Variants in URB1 observed in about 807,000 individuals in gnomAD.
URB1 encodes the protein nucleolar pre-ribosomal-associated protein 1.
Under a neutral mutation model 242.3 loss-of-function variants are expected in URB1, and 197 were observed. The ratio of observed to expected loss-of-function variants is 0.81; its 90% confidence interval spans 0.72 to 0.91. The LOEUF (loss-of-function observed/expected upper bound fraction) is 0.91, where lower values mean the gene tolerates loss of function less well. URB1 is among the 40% of genes least tolerant of loss of function. URB1 has a pLI of 0.00. For missense variants in URB1, 2,721 were observed against 2,860.5 expected, an observed-to-expected ratio of 0.95 and a Z score of 1.11; for synonymous variants, 1,153 against 1,201.8, an observed-to-expected ratio of 0.96 and a Z score of 0.84.
chr21:32,319,000 G>T (rs2032727885), intron 36 of URB1, among the ~76,000 whole-genome samples: 1 of 152,136 alleles, frequency 6.6e-6, no homozygotes, highest in Admixed American at 6.5e-5. Flanking sequence ...GTCTTGACAA[G>T]AAGCTTTATA....
At chr21:32,324,637 G>A (rs574428940) in intron 31 of URB1, 35 bp from the exon 32 acceptor site, 10 of 1,485,168 alleles carry the variant, frequency 6.7e-6, no homozygotes, top group African/African-American at 2.8e-5. Context: ...AATGTAAGAT[G>A]AGCGTGTTCA....
rs1216898562 is a variant in URB1, at chr21:32,373,615, C to T, written c.876+32G>A. On this transcript the variant is annotated intron_variant, in intron 7 of 38. Coordinates refer to ENST00000382751, the MANE Select transcript of URB1 (RefSeq NM_014825.3). ...AACCCTGAGGATCAAATTCCAACAA[C>T]GAGGTCAACGAAAACCAAAAAGTGT... 16 of 1,519,202 alleles carry T rather than the reference C, an allele frequency of 1.1e-5. No homozygotes were observed. In the Middle Eastern group the frequency reaches 5.1e-4, roughly 48 times the overall value. 94.1% of individuals were successfully genotyped at this position (1,519,202 alleles called of 1,614,324 possible).
At chr21:32,318,059 C>T in intron 36 of URB1, 142 bp from the exon 37 acceptor site, 2 of 1,128,720 alleles carry the variant, frequency 1.8e-6, no homozygotes, top group South Asian at 3.3e-5. Context: ...CAGCAGACAT[C>T]TAGCATGGGC....
In URB1 at chr21:32,361,995, C is replaced by T. The variant is rs1432132817; in HGVS notation, c.1536G>A (p.Val512=). The T allele has an allele frequency of 2.1e-5, 33 of 1,551,492 alleles. No individual in the cohort carries two copies. Among genetic ancestry groups the T allele is most frequent in the African/African-American group, 2.7e-5 (2 of 73,038 alleles). The change falls in exon 12 of 39, where the codon GTG becomes GTA. Residue 512 remains valine, a synonymous_variant. Transcript: ENST00000382751. The part of the protein sequence containing the change: ...SKILPDLNTV[V]WVWQSLKKQE... The stretch of plus-strand genomic sequence containing the variant: ...GCTTTTTAAGTGACTGCCAGACCCA[C>T]ACGACAGTGTTCAGGTCTGGCAAAA...
chr21:32,353,582 T>C (rs764565092), intron 18 of URB1, among the ~76,000 whole-genome samples: 5 of 152,194 alleles, frequency 3.3e-5, no homozygotes, highest in Non-Finnish European at 5.9e-5. Context: ...TGGGTCTAAG[T>C]TGCCTGGAAA....
intron 25 of URB1, among the ~76,000 whole-genome samples, chr21:32,339,735 C>T (rs969846409): frequency 6.6e-6 from 1 of 152,154 alleles, no homozygotes; most frequent in Admixed American, 6.5e-5. Flanking sequence ...TCGTGATCCG[C>T]CCGCCTCAGC....
chr21:32,349,820 C>T (rs113234358), intron 20 of URB1, among the ~76,000 whole-genome samples: 1 of 150,866 alleles, frequency 6.6e-6, no homozygotes, highest in East Asian at 2.0e-4. Context: ...CTGGGCCAGG[C>T]TCAGTGGCTC....
chr21:32,353,062 T>C (rs990072374), intron 18 of URB1, among the ~76,000 whole-genome samples, 156 bp from the exon 19 acceptor site: 1 of 152,166 alleles, frequency 6.6e-6, no homozygotes, highest in African/African-American at 2.4e-5. Flanking sequence ...TTGCTACTAC[T>C]GGAGACTGTA....
chr21:32,319,664 T>A (rs2032741201), intron 35 of URB1, among the ~76,000 whole-genome samples: 1 of 152,232 alleles, frequency 6.6e-6, no homozygotes, highest in African/African-American at 2.4e-5. Context: ...GTCCTGTTCA[T>A]GACAACAACT....
Position 32,314,277 on chromosome 21 carries a change from C to G in URB1, c.*641G>C, listed in dbSNP as rs937302017. The G allele has an allele frequency of 3.7e-5, 14 of 382,272 alleles. No homozygotes were observed. Among genetic ancestry groups the G allele is most frequent in the Non-Finnish European group, 6.5e-5 (13 of 199,382 alleles). The allele number at this position is 382,272 out of a possible 1,614,324, so 23.7% of individuals were successfully genotyped here. A position where few individuals can be genotyped will look rare whatever the true frequency, so the allele number is the denominator to read the frequency against. ...TCAGCTCACTGTAGCCTCCACCTCC[C>G]AGGTTCAAGCGATTCCCCTGCCTTA... On this transcript the variant is annotated 3_prime_UTR_variant, in exon 39 of 39. Coordinates refer to ENST00000382751, the MANE Select transcript of URB1 (RefSeq NM_014825.3).
chr21:32,375,913 C>A (rs1240861923), intron 5 of URB1, among the ~76,000 whole-genome samples: 1 of 152,002 alleles, frequency 6.6e-6, no homozygotes, highest in Admixed American at 6.6e-5. Flanking sequence ...GCCATGATCG[C>A]ACCACTGCAC....
At chr21:32,355,811 A>G (rs2033213943) in intron 15 of URB1, among the ~76,000 whole-genome samples, 1 of 152,172 alleles carries the variant, frequency 6.6e-6, no homozygotes, top group Non-Finnish European at 1.5e-5. Context: ...AAGTTTTGCC[A>G]AGTTGGCCAG....
intron 4 of URB1, among the ~76,000 whole-genome samples, chr21:32,381,197 T>C (rs191784733): frequency 6.6e-5 from 10 of 152,268 alleles, no homozygotes; most frequent in African/African-American, 2.4e-4. Context: ...CTGCTCTTCA[T>C]TCCCACCCTG....
At chr21:32,372,481 G>C in intron 8 of URB1, 26 bp downstream of exon 8, 2 of 1,547,796 alleles carry the variant, frequency 1.3e-6, no homozygotes, top group African/African-American at 2.7e-5. Context: ...ACACACCCTG[G>C]GGTCCACAAG....
rs1159656743 is a variant in URB1, at chr21:32,338,707, C to T, written c.4510G>A (p.Glu1504Lys). The T allele has an allele frequency of 9.7e-6, 15 of 1,550,842 alleles. No homozygotes were observed. Among genetic ancestry groups the T allele is most frequent in the Non-Finnish European group, 1.2e-5 (14 of 1,146,902 alleles). Residue 1504 changes from glutamate (E) to lysine (K), a missense_variant and splice_region_variant, in exon 26 of 39, where the codon GAA becomes AAA. Transcript: ENST00000382751. ...TGGAAGGGCTGGGGTGAGGGGTCAC[C>T]TTTTACTTGGCTGTCCGGGCTCTCC... The part of the protein sequence containing the change: ...GEESPDSQVK[E>K]ALVDLMLTVV...
intron 7 of URB1, 84 bp from the exon 8 acceptor site, chr21:32,372,715 A>C (rs991943119): frequency 7.1e-7 from 1 of 1,403,306 alleles, no homozygotes; most frequent in East Asian, 2.5e-5. Flanking sequence ...GGACAATATT[A>C]ACTGCCGATG....
chr21:32,325,078 G>A (rs902647683), intron 31 of URB1, 151 bp downstream of exon 31: 1 of 1,052,236 alleles, frequency 9.5e-7, no homozygotes, highest in Non-Finnish European at 1.3e-6. Context: ...CCTCCTAAGG[G>A]AACAGACTTT....
intron 22 of URB1, 103 bp from the exon 23 acceptor site, chr21:32,345,678 G>T: frequency 3.2e-6 from 4 of 1,234,250 alleles, no homozygotes; most frequent in Non-Finnish European, 4.4e-6. Flanking sequence ...GGTATCCTGT[G>T]ACCCTGGTGA....
In URB1 at chr21:32,368,934, C is replaced by T. The variant is rs565198914; in HGVS notation, c.1002-336G>A. Among the ~76,000 whole-genome samples the T allele has an allele frequency of 1.7e-4, 26 of 152,330 alleles. No individual in the cohort carries two copies. In the East Asian group the frequency reaches 5.0e-3, roughly 29 times the overall value. The stretch of plus-strand genomic sequence containing the variant: ...CGCTCTACCTCAGCCACCTACCAGT[C>T]TGCCTAGAAGTCAAGGCTACTGAAA... On this transcript the variant is annotated intron_variant, in intron 8 of 38. Transcript: ENST00000382751.
Sources: gnomAD v4.1 joint callset for allele counts (sites outside exome capture counted in the v4.1 genomes callset) on GRCh38, gnomAD v4.1.1 for gene constraint, MANE v1.5 for transcripts, NCBI Gene and HGNC (gene_info 2026-07-23, HGNC 2026-07-21) for gene names.